The following C6orf132 variants were observed in gnomAD, a reference collection of about 807,000 sequenced individuals.
C6orf132 encodes uncharacterized protein C6orf132.
Under a neutral mutation model 65.3 loss-of-function variants are expected in C6orf132, and 43 were observed. The observed-to-expected ratio is 0.66, with a 90% CI of 0.52 to 0.85. The LOEUF is 0.85. Ranked by LOEUF, C6orf132 falls within the 40% of genes least tolerant of loss-of-function variation. C6orf132 has a pLI of 0.00. For synonymous variants in C6orf132, 631 were observed against 654.1 expected, an observed-to-expected ratio of 0.96 and a Z score of 0.54; for missense variants, 1,488 against 1,548.8, an observed-to-expected ratio of 0.96 and a Z score of 0.66.
intron 2 of C6orf132, among the ~76,000 whole-genome samples, chr6:42,119,066 CA>C (rs1160587167): frequency 0.47 from 25,858 of 54,656 alleles, 3,166 homozygotes; most frequent in Middle Eastern, 0.58. Context: ...CCTGTCTCTA[CA>C]AAAAAAAAAA....
chr6:42,114,687 G>T (rs891704469), intron 2 of C6orf132, among the ~76,000 whole-genome samples: 5 of 152,106 alleles, frequency 3.3e-5, no homozygotes, highest in African/African-American at 1.2e-4. Flanking sequence ...TCACCTCAGA[G>T]AACAAAGGAA....
intron 3 of C6orf132, among the ~76,000 whole-genome samples, chr6:42,109,071 T>C (rs898637583): frequency 6.6e-6 from 1 of 152,196 alleles, no homozygotes; most frequent in Non-Finnish European, 1.5e-5. Flanking sequence ...AGTACATTAT[T>C]ATCACATTAG....
intron 2 of C6orf132, among the ~76,000 whole-genome samples, chr6:42,110,958 G>A (rs1766485078): frequency 6.6e-6 from 1 of 152,198 alleles, no homozygotes; most frequent in Admixed American, 6.5e-5. Flanking sequence ...AGGATTGACT[G>A]TATATGAATT....
intron 3 of C6orf132, among the ~76,000 whole-genome samples, chr6:42,109,778 T>G (rs6923796): frequency 2.2e-4 from 33 of 152,050 alleles, no homozygotes; most frequent in Admixed American, 2.2e-3. Context: ...GTGACAGACA[T>G]GACATACATC....
rs1285458293 is a variant in C6orf132, at chr6:42,128,656, G to A, written c.252+16C>T. ...CCAGAGCAGACTCTCCAACCTCAGA[G>A]CAGAACCGTACTCACCAGCGGAAGG... is the stretch of plus-strand genomic sequence containing the variant. On this transcript the variant is annotated intron_variant, in intron 2 of 4. Transcript: ENST00000341865. 1 of 1,545,526 alleles carries A rather than the reference G, an allele frequency of 6.5e-7. No homozygotes were observed. Among genetic ancestry groups the A allele is most frequent in the Admixed American group, 2.0e-5 (1 of 50,974 alleles).
chr6:42,107,654 A>AGGGCAG, intron 3 of C6orf132, 71 bp from the exon 4 acceptor site: 1 of 1,539,656 alleles, frequency 6.5e-7, no homozygotes, highest in Non-Finnish European at 8.8e-7. Flanking sequence ...CTGTTTACCC[A>AGGGCAG]GGGCAGGGGC....
intron 2 of C6orf132, among the ~76,000 whole-genome samples, chr6:42,119,672 G>A (rs1766648379): frequency 6.6e-6 from 1 of 151,540 alleles, no homozygotes; most frequent in Non-Finnish European, 1.5e-5. Context: ...TATATTTTTT[G>A]TGGGACAGGG....
At chr6:42,103,982 T>G (rs1404854132) in intron 4 of C6orf132, 104 bp from the exon 5 acceptor site, 32 of 808,530 alleles carry the variant, frequency 4.0e-5, no homozygotes, top group Middle Eastern at 6.2e-4. Flanking sequence ...CTCATACTTC[T>G]GTATTTGCCC....
intron 2 of C6orf132, among the ~76,000 whole-genome samples, chr6:42,112,276 C>G (rs1365531509): frequency 6.6e-6 from 1 of 152,158 alleles, no homozygotes; most frequent in Non-Finnish European, 1.5e-5. Context: ...CCAGTACTAC[C>G]AAACCCAGGT....
Position 42,107,291 on chromosome 6 carries a change from G to T in C6orf132, c.621C>A (p.Ser207=). The T allele has an allele frequency of 7.3e-7, 1 of 1,374,712 alleles. No individual in the cohort carries two copies. Among genetic ancestry groups the T allele is most frequent in the Non-Finnish European group, 9.5e-7 (1 of 1,053,370 alleles). 85.2% of individuals were successfully genotyped at this position (1,374,712 alleles called of 1,614,324 possible). Residue 207 remains serine, a synonymous_variant, in exon 4 of 5, where the codon TCC becomes TCA. Coordinates refer to ENST00000341865, the MANE Select transcript of C6orf132 (RefSeq NM_001164446.3). ...GAATGAAGTCAGGAGGGGTGGGTAT[G>T]GATGGGGAGGAAAGAGTGTGTGGTG... ...LSPPHTLSSP[S]IPTPPDFIPP... is the part of the protein sequence containing the mutation.
chr6:42,132,703 C>A (rs1582284158), intron 1 of C6orf132, among the ~76,000 whole-genome samples: 1 of 151,134 alleles, frequency 6.6e-6, no homozygotes, highest in East Asian at 2.0e-4. Context: ...CAAAAATTAG[C>A]CGGATGTGGT....
At chr6:42,121,716 C>A (rs1228731396) in intron 2 of C6orf132, among the ~76,000 whole-genome samples, 1 of 152,258 alleles carries the variant, frequency 6.6e-6, no homozygotes, top group African/African-American at 2.4e-5. Flanking sequence ...CAGACTCCTC[C>A]TGGAGCCTGG....
chr6:42,106,151 T>G lies in C6orf132; in HGVS notation c.1761A>C (p.Gly587=). ...AAEKEAKPSI[G]SLPPKPRLEG... ...CTAGCCGAGGCTTAGGGGGCAGAGATCCTATGCTGGGCTTAGCCTCCTTCT... is the reference window on the plus strand; with the variant it reads ...CTAGCCGAGGCTTAGGGGGCAGAGAGCCTATGCTGGGCTTAGCCTCCTTCT... Residue 587 remains glycine (G), a synonymous_variant, in exon 4 of 5, where the codon GGA becomes GGC. Coordinates refer to ENST00000341865, the MANE Select transcript of C6orf132 (RefSeq NM_001164446.3). 6.5e-7 allele frequency: 1 copy of G among 1,537,230 alleles called. No homozygotes were observed. Among genetic ancestry groups the G allele is most frequent in the Non-Finnish European group, 8.7e-7 (1 of 1,146,898 alleles).
In C6orf132 at chr6:42,104,907, G is replaced by T. The variant is rs1766365352; in HGVS notation, c.3005C>A (p.Ala1002Asp). ...GCTCTGGCGGCCCAGATACTGGAGG[G>T]CCGGGGCCGGGGGCTCAGGGTCATT... is the stretch of plus-strand genomic sequence containing the variant. ...FSNDPEPPAP[A>D]LQYLGRQSSP... Residue 1002 changes from alanine to aspartate, a missense_variant, in exon 4 of 5, where the codon GCC becomes GAC. Coordinates refer to ENST00000341865, the MANE Select transcript of C6orf132 (RefSeq NM_001164446.3). The surrounding 1 kb of genome is among the most constrained non-coding windows in gnomAD (Gnocchi z 4.1). 4 of 1,454,494 alleles carry T rather than the reference G, an allele frequency of 2.8e-6. No individual in the cohort carries two copies. The South Asian group carries it at 5.6e-5, about 20-fold the overall frequency. The allele number at this position is 1,454,494 out of a possible 1,614,324, so 90.1% of individuals were successfully genotyped here. A position where few individuals can be genotyped will look rare whatever the true frequency, so the allele number is the denominator to read the frequency against.
intron 2 of C6orf132, among the ~76,000 whole-genome samples, chr6:42,111,831 AT>A (rs139855501): frequency 1.7e-4 from 25 of 150,138 alleles, no homozygotes; most frequent in African/African-American, 2.4e-4. Flanking sequence ...TTTGCATTCT[AT>A]TTTTTTTTTC....
chr6:42,138,898 T>C (rs537537799), intron 1 of C6orf132, among the ~76,000 whole-genome samples: 2 of 100,160 alleles, frequency 2.0e-5, no homozygotes, highest in Admixed American at 2.1e-4. Context: ...TGGCCTTGCT[T>C]GGGCTGGGAG....
chr6:42,128,084 C>T (rs548700189), intron 2 of C6orf132, among the ~76,000 whole-genome samples: 10 of 145,754 alleles, frequency 6.9e-5, no homozygotes, highest in Admixed American at 2.1e-4. Context: ...GCCACTACAC[C>T]GGCTATTTTT....
At chr6:42,123,605 A>AG (rs1402600702) in intron 2 of C6orf132, among the ~76,000 whole-genome samples, 16 of 151,704 alleles carry the variant, frequency 1.1e-4, no homozygotes, top group Non-Finnish European at 7.4e-5. Flanking sequence ...GAAAGAAGGA[A>AG]GAAGAAGAAG....
rs557059449 is a variant in C6orf132, at chr6:42,127,405, T to C, written c.252+1267A>G. Among the ~76,000 whole-genome samples the C allele has an allele frequency of 3.5e-4, 54 of 152,236 alleles. 1 individual carries two copies. Among genetic ancestry groups the C allele is most frequent in the Admixed American group, 2.7e-3 (42 of 15,298 alleles). ...GGACTTAGAGATGCACCAAGGAGAA[T>C]GTAAGACTGCCTCTGTCCCATCTAG... On this transcript the variant is annotated intron_variant, in intron 2 of 4. Transcript: ENST00000341865.
Sources: allele counts gnomAD v4.1 joint callset (sites outside exome capture counted in the v4.1 genomes callset), GRCh38; gene constraint gnomAD v4.1.1; non-coding constraint Gnocchi (gnomAD v3.1); transcripts MANE v1.5; gene names NCBI Gene and HGNC (gene_info 2026-07-23, HGNC 2026-07-21).